NTM: variants seen among roughly 807,000 people sequenced by gnomAD.
NTM encodes IgLON family member 2.
A neutral mutation model predicts 42.1 loss-of-function variants in NTM; 13 were observed. The observed-to-expected ratio is 0.31, with a 90% CI of 0.20 to 0.49. NTM has a LOEUF of 0.49. NTM is among the 20% of genes least tolerant of loss of function. The probability of loss-of-function intolerance (pLI) is 0.99; values close to 1 mark genes in which losing one functional copy is unlikely to be tolerated. For synonymous variants in NTM, 187 were observed against 179.2 expected (o/e 1.04, Z -0.35); for missense variants, 373 against 452.8 (o/e 0.82, Z 1.60).
intron 1 of NTM, among the ~76,000 whole-genome samples, chr11:131,371,659 T>C (rs1941203351): frequency 6.6e-6 from 1 of 152,128 alleles, no homozygotes; most frequent in African/African-American, 2.4e-5. Flanking sequence ...CTGTGTTCTG[T>C]GCATTTGGAA....
At chr11:131,979,536 G>A (rs79594691) in intron 2 of NTM, among the ~76,000 whole-genome samples, 2,928 of 152,270 alleles carry the variant, frequency 0.019, 105 homozygotes, top group African/African-American at 0.067. Context: ...GCAATTAAAA[G>A]GAGTCACAGA....
intron 1 of NTM, among the ~76,000 whole-genome samples, chr11:131,426,213 T>C (rs1485362792): frequency 6.6e-6 from 1 of 152,160 alleles, no homozygotes; most frequent in East Asian, 1.9e-4. Context: ...ATAATCTGGG[T>C]GTCAGGATGA....
At chr11:131,575,825 C>T (rs955725856) in intron 1 of NTM, among the ~76,000 whole-genome samples, 20 of 152,170 alleles carry the variant, frequency 1.3e-4, no homozygotes, top group Admixed American at 4.6e-4. Context: ...AACATACTCT[C>T]CCTGGCTCCT....
chr11:131,424,235 A>G (rs1947822629), intron 1 of NTM, among the ~76,000 whole-genome samples: 1 of 152,174 alleles, frequency 6.6e-6, no homozygotes, highest in African/African-American at 2.4e-5. Flanking sequence ...AGGAAAAAAA[A>G]GAAAGAAAAT....
chr11:132,258,779 G>A (rs1273758185), intron 4 of NTM, among the ~76,000 whole-genome samples: 2 of 152,218 alleles, frequency 1.3e-5, no homozygotes, highest in South Asian at 4.1e-4. Context: ...AAAAGAGAAT[G>A]ATGCTTATGA....
At chr11:132,141,317 G>A (rs2069104929) in intron 2 of NTM, among the ~76,000 whole-genome samples, 1 of 150,264 alleles carries the variant, frequency 6.7e-6, no homozygotes, top group African/African-American at 2.5e-5. Context: ...AAATCCAAAA[G>A]TAGCTTCAGG....
At chr11:132,328,350 A>G (rs1337424318) in intron 7 of NTM, among the ~76,000 whole-genome samples, 1 of 152,190 alleles carries the variant, frequency 6.6e-6, no homozygotes, top group East Asian at 1.9e-4. Flanking sequence ...AGCTAAAGTC[A>G]AGGATGAGCA....
chr11:132,030,791 C>A (rs2075814952), intron 2 of NTM, among the ~76,000 whole-genome samples: 1 of 152,132 alleles, frequency 6.6e-6, no homozygotes, highest in Non-Finnish European at 1.5e-5. Flanking sequence ...GAGATGAGAG[C>A]AGAGAGATAG....
chr11:132,057,281 T>C (rs1421179136), intron 2 of NTM, among the ~76,000 whole-genome samples: 2 of 152,222 alleles, frequency 1.3e-5, no homozygotes, highest in East Asian at 3.8e-4. Flanking sequence ...TTTGGATTTT[T>C]TTTTTTTAGG....
chr11:132,161,370 CTTTTTTTT>C (rs55732584), intron 3 of NTM, among the ~76,000 whole-genome samples: 5 of 64,078 alleles, frequency 7.8e-5, no homozygotes, highest in South Asian at 1.0e-3. Flanking sequence ...TTTCGAGCAG[CTTTTTTTT>C]TTTTTTTTTT....
intron 3 of NTM, among the ~76,000 whole-genome samples, chr11:132,162,876 C>T (rs1273221612): frequency 3.3e-5 from 5 of 151,826 alleles, no homozygotes; most frequent in Non-Finnish European, 7.4e-5. Flanking sequence ...GAGGAGGTTT[C>T]TATCTGTCTA....
At chr11:131,489,473 T>A (rs1215120215) in intron 1 of NTM, among the ~76,000 whole-genome samples, 1 of 152,254 alleles carries the variant, frequency 6.6e-6, no homozygotes, top group Non-Finnish European at 1.5e-5. Flanking sequence ...CTCTCGCTAC[T>A]TTGCGTGTGT....
chr11:131,598,841 CT>C lies in NTM; in HGVS notation c.82+227956del, dbSNP rs1478966039. 7.6e-3 allele frequency among the ~76,000 whole-genome samples: 250 copies of C among 32,700 alleles called. 37 individuals are homozygous for C. The highest frequency in any genetic ancestry group is 0.023 in the African/African-American group (245 of 10,600). The allele number at this position is 32,700 out of a possible 152,430, so 21.5% of individuals were successfully genotyped here. ...TTCTTTCTTTCTTCTTTCTTTCTTTCTTTCTTTCTTCCTTCCTTCCTTCCTT... is the reference window on the plus strand; with the variant it reads ...TTCTTTCTTTCTTCTTTCTTTCTTTCTTCTTTCTTCCTTCCTTCCTTCCTT... On this transcript the variant is annotated intron_variant, in intron 1 of 8. Coordinates refer to ENST00000683400, the MANE Select transcript of NTM (RefSeq NM_001352005.2).
chr11:132,079,863 G>C (rs1012854077), intron 2 of NTM, among the ~76,000 whole-genome samples: 20 of 152,146 alleles, frequency 1.3e-4, no homozygotes, highest in African/African-American at 4.6e-4. Context: ...TTCATCTGGA[G>C]TTAATATCAC....
rs191770474 is a variant in NTM at position 131,875,010 on chromosome 11, C to T, written c.83-36554C>T. ...TGTATGACGGGGCCTGATGGGGCAG[C>T]AGCCGGCCAAAGGCAAGAATAGAGA... is the stretch of plus-strand genomic sequence containing the variant. On this transcript the variant is annotated intron_variant, in intron 1 of 8. Coordinates refer to ENST00000683400, the MANE Select transcript of NTM (RefSeq NM_001352005.2). Among the ~76,000 whole-genome samples, 1,080 of 152,318 alleles carry T rather than the reference C, an allele frequency of 7.1e-3. 7 individuals are homozygous for T. The highest frequency in any genetic ancestry group is 0.01 in the Non-Finnish European group (706 of 68,028).
At chr11:131,521,944 C>T (rs2049795036) in intron 1 of NTM, among the ~76,000 whole-genome samples, 1 of 152,026 alleles carries the variant, frequency 6.6e-6, no homozygotes, top group Non-Finnish European at 1.5e-5. Flanking sequence ...TCATGTTTCT[C>T]TCATTTCTAA....
At chr11:131,373,648 A>G (rs1010423357) in intron 1 of NTM, among the ~76,000 whole-genome samples, 3 of 151,762 alleles carry the variant, frequency 2.0e-5, no homozygotes, top group African/African-American at 7.3e-5. Flanking sequence ...CTTGCAGAAC[A>G]CCCACCGCCC....
intron 2 of NTM, among the ~76,000 whole-genome samples, chr11:132,063,966 A>G (rs1016117386): frequency 3.9e-5 from 6 of 152,230 alleles, no homozygotes; most frequent in Admixed American, 1.3e-4. Context: ...CACAAAGTTA[A>G]GGAGCAGGGT....
chr11:131,498,125 T>TA (rs34742694), intron 1 of NTM, among the ~76,000 whole-genome samples: 71,059 of 151,944 alleles, frequency 0.47, 18,619 homozygotes, highest in African/African-American at 0.71. Flanking sequence ...GCCTTGCTGA[T>TA]AAACTTTTGC....
Sources: gnomAD v4.1 joint callset for allele counts (sites outside exome capture counted in the v4.1 genomes callset) on GRCh38, gnomAD v4.1.1 for gene constraint, MANE v1.5 for transcripts, NCBI Gene and HGNC (gene_info 2026-07-23, HGNC 2026-07-21) for gene names.